The following PITPNM3 variants were observed in gnomAD, a reference collection of about 807,000 sequenced individuals.
The protein encoded by PITPNM3 is membrane-associated phosphatidylinositol transfer protein 3.
A neutral mutation model predicts 102.0 loss-of-function variants in PITPNM3; 26 were observed. The observed-to-expected ratio is 0.25, with a 90% CI of 0.19 to 0.35. The LOEUF is 0.35. Ranked by LOEUF, PITPNM3 falls within the 10% of genes least tolerant of loss-of-function variation. The pLI is 1.00. For missense variants in PITPNM3, 1,083 were observed against 1,346.1 expected, an observed-to-expected ratio of 0.80 and a Z score of 3.06; for synonymous variants, 578 against 558.6, an observed-to-expected ratio of 1.03 and a Z score of -0.49.
At chr17:6,547,603 C>T (rs356048) in intron 1 of PITPNM3, among the ~76,000 whole-genome samples, 4,199 of 152,310 alleles carry the variant, frequency 0.028, 105 homozygotes, top group South Asian at 0.12. Flanking sequence ...GGAGGCATTC[C>T]TTCTGCTCAT....
chr17:6,456,104 G>A (rs1014567892), intron 19 of PITPNM3, among the ~76,000 whole-genome samples: 12 of 152,174 alleles, frequency 7.9e-5, no homozygotes, highest in African/African-American at 2.9e-4. Context: ...GCTCACCGCA[G>A]TCTCAACTTC....
intron 4 of PITPNM3, among the ~76,000 whole-genome samples, chr17:6,488,304 T>C (rs1233730294): frequency 2.0e-5 from 3 of 152,194 alleles, no homozygotes; most frequent in Admixed American, 1.3e-4. Flanking sequence ...CTGCAAGCCC[T>C]TCCTCCCTTT....
At chr17:6,516,338 C>T (rs528780269) in intron 3 of PITPNM3, among the ~76,000 whole-genome samples, 51 of 151,990 alleles carry the variant, frequency 3.4e-4, no homozygotes, top group Non-Finnish European at 6.5e-4. Flanking sequence ...CCATGGCGGG[C>T]GGATCATGAG....
intron 1 of PITPNM3, among the ~76,000 whole-genome samples, chr17:6,541,964 C>T (rs1383241354): frequency 1.3e-5 from 2 of 152,240 alleles, no homozygotes; most frequent in Non-Finnish European, 2.9e-5. Flanking sequence ...AGTAGACATA[C>T]TGAATCCCCA....
intron 2 of PITPNM3, among the ~76,000 whole-genome samples, 180 bp from the exon 3 acceptor site, chr17:6,525,643 G>C (rs567387218): frequency 1.3e-5 from 2 of 152,292 alleles, no homozygotes; most frequent in East Asian, 1.9e-4. Flanking sequence ...ATTTATCATT[G>C]AAAGAAGGTA....
At chr17:6,530,050 C>T (rs1026749315) in intron 2 of PITPNM3, among the ~76,000 whole-genome samples, 1 of 152,204 alleles carries the variant, frequency 6.6e-6, no homozygotes, top group Non-Finnish European at 1.5e-5. Context: ...CCTTCCACTC[C>T]CTCCAGGAGA....
At chr17:6,464,021 G>T in intron 16 of PITPNM3, 140 bp from the exon 17 acceptor site, 1 of 1,530,412 alleles carries the variant, frequency 6.5e-7, no homozygotes, top group Middle Eastern at 1.7e-4. Flanking sequence ...CTGATGCCAC[G>T]GCTGGTGACC....
chr17:6,536,838 G>C (rs950885493), intron 2 of PITPNM3, among the ~76,000 whole-genome samples: 2 of 152,166 alleles, frequency 1.3e-5, no homozygotes, highest in Admixed American at 1.3e-4. Flanking sequence ...CCCTAAATAT[G>C]GTGACTTCCC....
In PITPNM3 at chr17:6,455,358, T is replaced by TG. The variant is rs777783181; in HGVS notation, c.2904dup (p.Lys969GlnfsTer108). ...ACCCCTCAGGGCACCGACTCGAACT[T>TG]GGGGGGCCCACGCGCCCAGCTGAGC... On this transcript the variant is annotated frameshift_variant, in exon 20 of 20. Transcript: ENST00000262483. LOFTEE classifies it high-confidence loss of function. 2 of 1,582,452 alleles carry TG rather than the reference T, an allele frequency of 1.3e-6. No individual in the cohort carries two copies. Among genetic ancestry groups the TG allele is most frequent in the Non-Finnish European group, 8.6e-7 (1 of 1,166,256 alleles).
chr17:6,457,582 G>A lies in PITPNM3; in HGVS notation c.2619+12C>T, dbSNP rs201395020. Reference sequence around the variant, plus strand: ...CTCACAACTCCCCGCCTCCAGCCCCGCCTCCACCCACCTGGCACTGGGTTT... The same window carrying A: ...CTCACAACTCCCCGCCTCCAGCCCCACCTCCACCCACCTGGCACTGGGTTT... On this transcript the variant is annotated intron_variant, in intron 19 of 19. Coordinates refer to ENST00000262483, the MANE Select transcript of PITPNM3 (RefSeq NM_031220.4). The surrounding 1 kb of genome is among the most constrained non-coding windows in gnomAD (Gnocchi z 4.7). 273 of 1,227,832 alleles carry A rather than the reference G, an allele frequency of 2.2e-4. 1 individual carries two copies. Among genetic ancestry groups the A allele is most frequent in the Non-Finnish European group, 6.8e-5 (60 of 876,950 alleles). 76.1% of individuals were successfully genotyped at this position (1,227,832 alleles called of 1,614,324 possible). A position where few individuals can be genotyped will look rare whatever the true frequency, so the allele number is the denominator to read the frequency against.
At chr17:6,513,810 G>A (rs112663899) in intron 3 of PITPNM3, among the ~76,000 whole-genome samples, 121 of 152,292 alleles carry the variant, frequency 7.9e-4, no homozygotes, top group African/African-American at 2.7e-3. Context: ...AGTGCAAGAA[G>A]CACAGAATAG....
At chr17:6,524,222 A>C (rs1908697128) in intron 3 of PITPNM3, among the ~76,000 whole-genome samples, 1 of 152,220 alleles carries the variant, frequency 6.6e-6, no homozygotes, top group South Asian at 2.1e-4. Context: ...GCCTCCTGAG[A>C]GCATGGCCTT....
intron 1 of PITPNM3, among the ~76,000 whole-genome samples, chr17:6,552,694 C>T (rs190511301): frequency 2.6e-5 from 4 of 152,204 alleles, no homozygotes; most frequent in Admixed American, 6.5e-5. Context: ...TCTTCCTTTC[C>T]ATCCTCCTAG....
intron 1 of PITPNM3, among the ~76,000 whole-genome samples, chr17:6,540,084 C>T (rs761601523): frequency 6.6e-6 from 1 of 152,146 alleles, no homozygotes; most frequent in African/African-American, 2.4e-5. Flanking sequence ...GCAGGGGTCC[C>T]AGCAGGAGGT....
chr17:6,467,655 C>A (rs1267989720), intron 14 of PITPNM3, among the ~76,000 whole-genome samples: 1 of 152,174 alleles, frequency 6.6e-6, no homozygotes, highest in Non-Finnish European at 1.5e-5. Context: ...GTCTGTACAA[C>A]CCTGTGCTCC....
intron 4 of PITPNM3, among the ~76,000 whole-genome samples, chr17:6,496,387 C>T (rs1347866806): frequency 6.6e-6 from 1 of 152,132 alleles, no homozygotes; most frequent in East Asian, 1.9e-4. Flanking sequence ...AGCCAGTTTT[C>T]GCACATCCCC....
chr17:6,489,834 T>C (rs1018262312), intron 4 of PITPNM3, among the ~76,000 whole-genome samples: 1 of 151,868 alleles, frequency 6.6e-6, no homozygotes, highest in Non-Finnish European at 1.5e-5. Flanking sequence ...TGAAACCCCA[T>C]CTCTACTAAA....
chr17:6,520,564 T>C (rs145838693), intron 3 of PITPNM3, among the ~76,000 whole-genome samples: 4 of 152,356 alleles, frequency 2.6e-5, no homozygotes, highest in African/African-American at 4.8e-5. Context: ...GAGAGATACG[T>C]TGATCAACTC....
chr17:6,457,271 C>T lies in PITPNM3; in HGVS notation c.2619+323G>A, dbSNP rs750812854. 3.3e-4 allele frequency among the ~76,000 whole-genome samples: 50 copies of T among 152,194 alleles called. No individual in the cohort carries two copies. Among genetic ancestry groups the T allele is most frequent in the Admixed American group, 1.4e-3 (22 of 15,290 alleles). On this transcript the variant is annotated intron_variant, in intron 19 of 19. Coordinates refer to ENST00000262483, the MANE Select transcript of PITPNM3 (RefSeq NM_031220.4). This position sits in a 1 kb window ranked among gnomAD's most constrained non-coding sequence, Gnocchi z 4.7. ...AACCTTGCCCTGGAGTCTGGGTTAGCGGTCCCTCTCCAGGGCCCCACAGTT... is the reference window on the plus strand; with the variant it reads ...AACCTTGCCCTGGAGTCTGGGTTAGTGGTCCCTCTCCAGGGCCCCACAGTT...
Sources: gnomAD v4.1 joint callset for allele counts (sites outside exome capture counted in the v4.1 genomes callset) on GRCh38, gnomAD v4.1.1 for gene constraint, Gnocchi (gnomAD v3.1) non-coding constraint, MANE v1.5 for transcripts, NCBI Gene and HGNC (gene_info 2026-07-23, HGNC 2026-07-21) for gene names.